Variants in MCC observed in about 807,000 individuals in gnomAD.
The protein encoded by MCC is colorectal mutant cancer protein.
A neutral mutation model predicts 116.2 loss-of-function variants in MCC; 90 were observed. The observed-to-expected ratio is 0.77, with a 90% CI of 0.65 to 0.92. The LOEUF (loss-of-function observed/expected upper bound fraction) is 0.92, where lower values mean the gene tolerates loss of function less well. Among genes scored for constraint, MCC ranks in the 40% least tolerant of loss-of-function variants. The probability of loss-of-function intolerance (pLI) is 0.00; values close to 1 mark genes in which losing one functional copy is unlikely to be tolerated. For synonymous variants in MCC, 578 were observed against 510.5 expected (o/e 1.13, Z -1.78); for missense variants, 1,516 against 1,312.2 (o/e 1.16, Z -2.40).
intron 3 of MCC, among the ~76,000 whole-genome samples, chr5:113,226,346 G>A (rs910082388): frequency 8.5e-5 from 13 of 152,224 alleles, no homozygotes; most frequent in African/African-American, 3.1e-4. Flanking sequence ...TGGAAAGGCA[G>A]GAGCCATGAT....
At chr5:113,398,478 C>A (rs1265487306) in intron 1 of MCC, among the ~76,000 whole-genome samples, 1 of 152,156 alleles carries the variant, frequency 6.6e-6, no homozygotes, top group Non-Finnish European at 1.5e-5. Context: ...CACATATATA[C>A]CATGGAATAC....
At chr5:113,137,417 G>C (rs528716058) in intron 5 of MCC, among the ~76,000 whole-genome samples, 1 of 152,262 alleles carries the variant, frequency 6.6e-6, no homozygotes, top group East Asian at 1.9e-4. Context: ...TAAAGGGATG[G>C]TTATCAAATG....
At chr5:113,214,240 A>C (rs1010765224) in intron 3 of MCC, among the ~76,000 whole-genome samples, 1 of 152,298 alleles carries the variant, frequency 6.6e-6, no homozygotes, top group East Asian at 1.9e-4. Flanking sequence ...CAAAGCCACA[A>C]AGAACGACGG....
At chr5:113,399,513 G>C (rs1029993535) in intron 1 of MCC, among the ~76,000 whole-genome samples, 2 of 151,836 alleles carry the variant, frequency 1.3e-5, no homozygotes, top group African/African-American at 4.8e-5. Context: ...ATAAAAGTCA[G>C]TTATTATTAA....
chr5:113,096,757 C>A (rs6594680), intron 8 of MCC, among the ~76,000 whole-genome samples: 1 of 151,902 alleles, frequency 6.6e-6, no homozygotes, highest in South Asian at 2.1e-4. Context: ...CTAACCTGCA[C>A]TGAATATATG....
chr5:113,413,407 T>G (rs1445519901), intron 1 of MCC, among the ~76,000 whole-genome samples: 3 of 152,138 alleles, frequency 2.0e-5, no homozygotes, highest in Admixed American at 6.5e-5. Flanking sequence ...GTCCTGGACT[T>G]TTTTTGGTTG....
intron 1 of MCC, among the ~76,000 whole-genome samples, chr5:113,397,508 T>A (rs1769557302): frequency 6.6e-6 from 1 of 152,082 alleles, no homozygotes; most frequent in Non-Finnish European, 1.5e-5. Flanking sequence ...ACATTTTAAG[T>A]CACCTAATTT....
chr5:113,048,448 A>T (rs1752264072), intron 16 of MCC: 2 of 152,476 alleles, frequency 1.3e-5, no homozygotes, highest in South Asian at 4.1e-4. Flanking sequence ...GTCATTTAGT[A>T]GCTGTCTCCA....
At chr5:113,205,126 C>A (rs574617990) in intron 3 of MCC, among the ~76,000 whole-genome samples, 3 of 152,166 alleles carry the variant, frequency 2.0e-5, no homozygotes, top group African/African-American at 7.2e-5. Context: ...TCCCTCACCC[C>A]CTGCCTTACT....
chr5:113,138,531 C>G (rs4705791), intron 5 of MCC, among the ~76,000 whole-genome samples: 123,604 of 152,120 alleles, frequency 0.81, 51,279 homozygotes, highest in Non-Finnish European at 0.91. Flanking sequence ...AAGCCAGGAA[C>G]AGAGCCTCAA....
At chr5:113,082,778 C>G in intron 11 of MCC, 82 bp downstream of exon 11, 1 of 1,546,382 alleles carries the variant, frequency 6.5e-7, no homozygotes, top group Non-Finnish European at 8.8e-7. Context: ...CATAAGCCAC[C>G]TTGAACAGAT....
intron 3 of MCC, among the ~76,000 whole-genome samples, chr5:113,288,518 T>C (rs183510248): frequency 2.0e-5 from 3 of 152,334 alleles, no homozygotes; most frequent in Non-Finnish European, 4.4e-5. Context: ...TTTAGGGCTC[T>C]GGAAAGTCAA....
At chr5:113,352,787 A>G (rs1768309460) in intron 2 of MCC, among the ~76,000 whole-genome samples, 1 of 152,186 alleles carries the variant, frequency 6.6e-6, no homozygotes, top group Non-Finnish European at 1.5e-5. Flanking sequence ...TATTTGTGTT[A>G]ACATGAATGT....
intron 17 of MCC, among the ~76,000 whole-genome samples, chr5:113,033,179 C>A (rs970406811): frequency 6.6e-6 from 1 of 152,156 alleles, no homozygotes; most frequent in South Asian, 2.1e-4. Context: ...CAGATATTTT[C>A]CCTGGCTTCT....
intron 15 of MCC, among the ~76,000 whole-genome samples, chr5:113,052,964 A>T (rs1752582690): frequency 6.6e-6 from 1 of 152,154 alleles, no homozygotes; most frequent in African/African-American, 2.4e-5. Context: ...TCCCAAAACC[A>T]AGGACAAATA....
intron 3 of MCC, among the ~76,000 whole-genome samples, chr5:113,223,128 G>C (rs74526604): frequency 0.014 from 2,171 of 152,250 alleles, 52 homozygotes; most frequent in African/African-American, 0.049. Flanking sequence ...CTGTCAGGGC[G>C]GCTTCCAGTG....
intron 2 of MCC, among the ~76,000 whole-genome samples, chr5:113,365,833 A>C (rs931909470): frequency 6.6e-6 from 1 of 152,172 alleles, no homozygotes; most frequent in African/African-American, 2.4e-5. Context: ...GAAGAGAGAG[A>C]GCAGGGAGGT....
At chr5:113,293,133 A>G (rs1766571671) in intron 3 of MCC, among the ~76,000 whole-genome samples, 1 of 152,122 alleles carries the variant, frequency 6.6e-6, no homozygotes, top group African/African-American at 2.4e-5. Context: ...GACACTTAAG[A>G]GCACCAGGCA....
chr5:113,373,226 C>T (rs115581975), intron 2 of MCC, among the ~76,000 whole-genome samples: 2,050 of 151,762 alleles, frequency 0.014, 38 homozygotes, highest in Non-Finnish European at 0.021. Context: ...AAGAGTGCAA[C>T]TTGGGTGTCT....
Sources: gnomAD v4.1 joint callset for allele counts (sites outside exome capture counted in the v4.1 genomes callset) on GRCh38, gnomAD v4.1.1 for gene constraint, MANE v1.5 for transcripts, NCBI Gene and HGNC (gene_info 2026-07-23, HGNC 2026-07-21) for gene names.